KAT8: variants seen among roughly 807,000 people sequenced by gnomAD.
KAT8 encodes the protein histone acetyltransferase KAT8.
Under a neutral mutation model 62.9 loss-of-function variants are expected in KAT8, and 40 were observed. The observed-to-expected ratio is 0.64, with a 90% CI of 0.49 to 0.83. The LOEUF (loss-of-function observed/expected upper bound fraction) is 0.83. Ranked by LOEUF, KAT8 falls within the 40% of genes least tolerant of loss-of-function variation. The pLI is 0.00. For missense variants in KAT8, 387 were observed against 614.8 expected, an observed-to-expected ratio of 0.63 and a Z score of 3.92; for synonymous variants, 278 against 254.5, an observed-to-expected ratio of 1.09 and a Z score of -0.88.
At chr16:31,121,661 C>G (rs904677477) in intron 3 of KAT8, among the ~76,000 whole-genome samples, 1 of 152,248 alleles carries the variant, frequency 6.6e-6, no homozygotes, top group East Asian at 1.9e-4. Flanking sequence ...TTCTTCCTGC[C>G]TTAGCCTTCT....
intron 3 of KAT8, among the ~76,000 whole-genome samples, chr16:31,123,392 T>A (rs1439733212): frequency 6.6e-6 from 1 of 151,940 alleles, no homozygotes; most frequent in Non-Finnish European, 1.5e-5. Context: ...AATTTTTGTA[T>A]TTTTAGTAGA....
At chr16:31,130,210 A>G (rs1242713944) in intron 7 of KAT8, 53 bp downstream of exon 7, 6 of 1,613,032 alleles carry the variant, frequency 3.7e-6, no homozygotes, top group Non-Finnish European at 5.1e-6. Context: ...GAAGGTGGGC[A>G]TGAACAGAGA....
At chr16:31,127,471 G>A (rs943527759) in intron 5 of KAT8, 118 bp downstream of exon 5, 11 of 1,035,568 alleles carry the variant, frequency 1.1e-5, no homozygotes, top group South Asian at 1.5e-5. Context: ...CCAAAGGAGC[G>A]AGTACAGGGA....
chr16:31,131,363 C>G, downstream of KAT8: 1 of 1,388,792 alleles, frequency 7.2e-7, no homozygotes, highest in East Asian at 2.5e-5. Flanking sequence ...TCTGGTGGCC[C>G]TGGACTTTGG....
intron 9 of KAT8, 54 bp downstream of exon 9, chr16:31,130,660 A>T (rs1401824890): frequency 6.2e-7 from 1 of 1,610,786 alleles, no homozygotes; most frequent in East Asian, 2.2e-5. Flanking sequence ...ATGGGCCACG[A>T]TCCTGCTTCC....
chr16:31,122,347 A>C (rs569152271), intron 3 of KAT8: 1 of 152,176 alleles, frequency 6.6e-6, no homozygotes, highest in East Asian at 1.9e-4. Context: ...TACCTTCCCG[A>C]TGATCCTAGC....
At position 31,117,700 on chromosome 16, in the gene KAT8, G is replaced by C; in HGVS notation, c.19G>C (p.Ala7Pro). MAAQGA[A>P]AAVAAGTSGV... Reference sequence around the variant, plus strand: ...TCCCGCGATGGCGGCACAGGGAGCTGCTGCGGCGGTTGCGGCGGGGACTTC... The same window carrying C: ...TCCCGCGATGGCGGCACAGGGAGCTCCTGCGGCGGTTGCGGCGGGGACTTC... Residue 7 changes from alanine to proline, a missense_variant, in exon 1 of 11, where the codon GCT (alanine) becomes CCT (proline). Ala to Pro is a conservative substitution (Grantham distance 27, BLOSUM62 -1). Coordinates refer to ENST00000219797, the MANE Select transcript of KAT8 (RefSeq NM_032188.3). The C allele has an allele frequency of 7.1e-7, 1 of 1,402,358 alleles. No individual in the cohort carries two copies. The highest frequency in any genetic ancestry group is 1.5e-5 in the South Asian group (1 of 65,442). 86.9% of individuals were successfully genotyped at this position (1,402,358 alleles called of 1,614,324 possible).
intron 3 of KAT8, chr16:31,122,398 T>G (rs1322953193): frequency 6.6e-6 from 1 of 152,210 alleles, no homozygotes; most frequent in Non-Finnish European, 1.5e-5. Flanking sequence ...CAGTGCCAAG[T>G]GTACTTCCTA....
intron 6 of KAT8, among the ~76,000 whole-genome samples, chr16:31,129,239 A>G (rs1381489280): frequency 6.6e-6 from 1 of 152,202 alleles, no homozygotes; most frequent in African/African-American, 2.4e-5. Context: ...GGGCTTGATT[A>G]GCCTTGGACT....
At chr16:31,125,786 C>T (rs1162219417) in intron 3 of KAT8, 1 of 151,980 alleles carries the variant, frequency 6.6e-6, no homozygotes, top group African/African-American at 2.4e-5. Flanking sequence ...AGGTCATGGA[C>T]CGTCTTGGGT....
intron 3 of KAT8, chr16:31,126,068 A>G (rs1191804357): frequency 6.6e-6 from 1 of 152,264 alleles, no homozygotes; most frequent in Admixed American, 6.5e-5. Context: ...GGGAAAGAGC[A>G]CAATAACAAC....
rs562660767 is a variant in KAT8, at chr16:31,129,550, C to T, written c.772-467C>T. On this transcript the variant is annotated intron_variant, in intron 6 of 10. Transcript: ENST00000219797. ...GAAGCCAAACTCGGTCCCATTGTCC[C>T]CCTCCTGGAGTGCAGCCAAGTGGAC... 2.6e-5 allele frequency among the ~76,000 whole-genome samples: 4 copies of T among 152,282 alleles called. No homozygotes were observed. The South Asian group carries it at 6.2e-4, about 24-fold the overall frequency.
chr16:31,121,955 T>C (rs1264129088), intron 3 of KAT8, among the ~76,000 whole-genome samples: 1 of 151,962 alleles, frequency 6.6e-6, no homozygotes, highest in Non-Finnish European at 1.5e-5. Flanking sequence ...TCTGCTATGT[T>C]GCCCACACTA....
chr16:31,127,121 C>T (rs2057537305), intron 4 of KAT8, 33 bp downstream of exon 4: 1 of 1,613,878 alleles, frequency 6.2e-7, no homozygotes. Flanking sequence ...CTGCAGGTCC[C>T]CCGTCTCCCC....
At chr16:31,127,387 G>T (rs1285966088) in intron 5 of KAT8, 34 bp downstream of exon 5, 1 of 1,610,246 alleles carries the variant, frequency 6.2e-7, no homozygotes, top group South Asian at 1.1e-5. Context: ...AGCTGGGCAG[G>T]GGCCCGGTGA....
At chr16:31,117,989 G>A in intron 1 of KAT8, 97 bp downstream of exon 1, 1 of 976,872 alleles carries the variant, frequency 1.0e-6, no homozygotes, top group Non-Finnish European at 1.4e-6. Flanking sequence ...CAAGATCCGG[G>A]GGCTGGGAGT....
At position 31,121,645 on chromosome 16, in the gene KAT8, C is replaced by G. The variant is rs79280101; in HGVS notation, c.462+1131C>G. Among the ~76,000 whole-genome samples, 1,343 of 152,196 alleles carry G rather than the reference C, an allele frequency of 8.8e-3. 13 individuals are homozygous for G. Among genetic ancestry groups the G allele is most frequent in the African/African-American group, 0.031 (1,282 of 41,524 alleles). On this transcript the variant is annotated intron_variant, in intron 3 of 10. Coordinates refer to ENST00000219797, the MANE Select transcript of KAT8 (RefSeq NM_032188.3). ...CAGGCTGGACTTGAACTCCTGGGCTCAAATGTTCTTCCTGCCTTAGCCTTC... is the reference window on the plus strand; with the variant it reads ...CAGGCTGGACTTGAACTCCTGGGCTGAAATGTTCTTCCTGCCTTAGCCTTC...
intron 6 of KAT8, among the ~76,000 whole-genome samples, chr16:31,128,444 C>G (rs2057549320): frequency 6.6e-6 from 1 of 152,108 alleles, no homozygotes; most frequent in African/African-American, 2.4e-5. Flanking sequence ...ACTCGGGAGG[C>G]TGAGGCACAA....
intron 3 of KAT8, among the ~76,000 whole-genome samples, chr16:31,124,503 G>A (rs757155715): frequency 6.6e-6 from 1 of 152,004 alleles, no homozygotes. Flanking sequence ...GAGGCCAGGC[G>A]CAGGCAGACC....
Sources: gnomAD v4.1 joint callset for allele counts (sites outside exome capture counted in the v4.1 genomes callset) on GRCh38, gnomAD v4.1.1 for gene constraint, MANE v1.5 for transcripts, NCBI Gene and HGNC (gene_info 2026-07-23, HGNC 2026-07-21) for gene names.